FHIT: variants seen among roughly 807,000 people sequenced by gnomAD.
FHIT encodes bis(5'-adenosyl)-triphosphatase.
In FHIT, 19 loss-of-function variants were observed where a neutral mutation model predicts 17.9. The ratio of observed to expected loss-of-function variants is 1.06; its 90% CI spans 0.74 to 1.56. FHIT has a LOEUF of 1.56. Among genes scored for constraint, FHIT ranks in the 40% most tolerant of loss-of-function variants. The pLI is 0.00. For missense variants in FHIT, 248 were observed against 189.2 expected, an observed-to-expected ratio of 1.31 and a Z score of -1.82; for synonymous variants, 81 against 69.7, an observed-to-expected ratio of 1.16 and a Z score of -0.81.
chr3:61,135,778 ATG>A (rs1383877101), intron 2 of FHIT, among the ~76,000 whole-genome samples: 2 of 152,192 alleles, frequency 1.3e-5, no homozygotes, highest in African/African-American at 4.8e-5. Context: ...CAATTGATCA[ATG>A]TGTTTTCATC....
At chr3:60,959,013 A>G (rs1709294110) in intron 3 of FHIT, among the ~76,000 whole-genome samples, 1 of 152,236 alleles carries the variant, frequency 6.6e-6, no homozygotes, top group South Asian at 2.1e-4. Context: ...GAATTTGCCA[A>G]ATGAAAAGGA....
chr3:60,996,296 G>C (rs1426343396), intron 3 of FHIT, among the ~76,000 whole-genome samples: 1 of 152,172 alleles, frequency 6.6e-6, no homozygotes, highest in Non-Finnish European at 1.5e-5. Flanking sequence ...TGCGGTGCAA[G>C]ACACGGTTCT....
rs187816769 is a variant in FHIT, at chr3:60,376,718, A to T, written c.103+160142T>A. ...CTTTAGATTTTGGTAGCTAATTTTT[A>T]AAAAAATCCTTTAAAACGTATTACC... On this transcript the variant is annotated intron_variant, in intron 5 of 9. Transcript: ENST00000492590. Among the ~76,000 whole-genome samples the T allele has an allele frequency of 3.4e-3, 523 of 152,306 alleles. 1 individual carries two copies. The highest frequency in any genetic ancestry group is 6.1e-3 in the Non-Finnish European group (413 of 68,018).
At chr3:60,320,288 G>C (rs535824294) in intron 5 of FHIT, among the ~76,000 whole-genome samples, 2 of 152,234 alleles carry the variant, frequency 1.3e-5, no homozygotes, top group East Asian at 1.9e-4. Flanking sequence ...GGGGCAGATG[G>C]GGGTGGCGCA....
chr3:60,703,685 T>C (rs1161052667), intron 4 of FHIT, among the ~76,000 whole-genome samples: 1 of 152,198 alleles, frequency 6.6e-6, no homozygotes, highest in Non-Finnish European at 1.5e-5. Context: ...CATTCTATTT[T>C]CTCTATAGTC....
At chr3:60,457,380 G>A (rs933479813) in intron 5 of FHIT, among the ~76,000 whole-genome samples, 1 of 152,170 alleles carries the variant, frequency 6.6e-6, no homozygotes, top group African/African-American at 2.4e-5. Context: ...CTAGCCATGT[G>A]TAGAAAGCTG....
intron 8 of FHIT, among the ~76,000 whole-genome samples, chr3:59,847,045 T>C (rs1701748304): frequency 6.6e-6 from 1 of 152,184 alleles, no homozygotes. Flanking sequence ...ATTTATAATG[T>C]GTTTTGGTGT....
rs1228708749 is a variant in FHIT at position 60,180,380 on chromosome 3, GT to G, written c.104-166229del. Among the ~76,000 whole-genome samples the G allele has an allele frequency of 3.9e-5, 6 of 152,242 alleles. No individual in the cohort carries two copies. The East Asian group carries it at 1.2e-3, about 29-fold the overall frequency. Reference sequence around the variant, plus strand: ...ATTAAAACATAACAGGATGGTTTGGGTTTGTCAGAATTAAGGGCCACCTGCT... The same window carrying G: ...ATTAAAACATAACAGGATGGTTTGGGTTGTCAGAATTAAGGGCCACCTGCT... On this transcript the variant is annotated intron_variant, in intron 5 of 9. Transcript: ENST00000492590.
intron 3 of FHIT, among the ~76,000 whole-genome samples, chr3:60,872,723 A>G (rs190318247): frequency 1.3e-5 from 2 of 152,280 alleles, no homozygotes; most frequent in Admixed American, 6.5e-5. Flanking sequence ...TGATTCAAAG[A>G]GAATACAAAT....
intron 5 of FHIT, among the ~76,000 whole-genome samples, chr3:60,328,524 G>A (rs1709813264): frequency 6.6e-6 from 1 of 152,028 alleles, no homozygotes; most frequent in African/African-American, 2.4e-5. Flanking sequence ...CTAACTAACA[G>A]GAGAACAGCA....
chr3:60,436,483 A>C (rs2030256654), intron 5 of FHIT, among the ~76,000 whole-genome samples: 1 of 152,166 alleles, frequency 6.6e-6, no homozygotes, highest in Non-Finnish European at 1.5e-5. Context: ...AGGACACAGC[A>C]GTGAATAAAA....
At chr3:60,905,103 C>A (rs1706337045) in intron 3 of FHIT, among the ~76,000 whole-genome samples, 2 of 151,992 alleles carry the variant, frequency 1.3e-5, no homozygotes, top group Admixed American at 6.6e-5. Flanking sequence ...AGAATTATAA[C>A]CATATTACTC....
At chr3:60,619,081 A>G (rs1015690160) in intron 4 of FHIT, among the ~76,000 whole-genome samples, 82 of 151,146 alleles carry the variant, frequency 5.4e-4, no homozygotes, top group African/African-American at 2.0e-3. Flanking sequence ...AATTTGTTAC[A>G]GCAGCAAAGA....
intron 3 of FHIT, among the ~76,000 whole-genome samples, chr3:60,918,636 A>T (rs1194171818): frequency 6.6e-6 from 1 of 152,166 alleles, no homozygotes; most frequent in Admixed American, 6.5e-5. Context: ...ACCAGGAGGA[A>T]GAAGGCATTT....
intron 5 of FHIT, among the ~76,000 whole-genome samples, chr3:60,074,786 T>C (rs1018863998): frequency 6.6e-6 from 1 of 152,128 alleles, no homozygotes; most frequent in Non-Finnish European, 1.5e-5. Context: ...GATATTCAAT[T>C]ACCCTTTTTC....
chr3:61,096,323 C>G (rs983514959), intron 2 of FHIT, among the ~76,000 whole-genome samples: 5 of 152,158 alleles, frequency 3.3e-5, no homozygotes, highest in African/African-American at 1.2e-4. Flanking sequence ...ATTTCACCAA[C>G]AAAAGTTATT....
In FHIT at chr3:59,835,112, A is replaced by C. The variant is rs535540010; in HGVS notation, c.349-82791T>G. On this transcript the variant is annotated intron_variant, in intron 8 of 9. Coordinates refer to ENST00000492590, the MANE Select transcript of FHIT (RefSeq NM_002012.4). ...CAAAGACAATCTTTCCCTAAGAGTTATAATCTCCTCTCAACACATCGATTA... is the reference window on the plus strand; with the variant it reads ...CAAAGACAATCTTTCCCTAAGAGTTCTAATCTCCTCTCAACACATCGATTA... 9.8e-5 allele frequency among the ~76,000 whole-genome samples: 15 copies of C among 152,288 alleles called. 1 individual carries two copies. The South Asian group carries it at 3.1e-3, about 32-fold the overall frequency.
chr3:61,210,913 A>G (rs2039445213), intron 1 of FHIT, among the ~76,000 whole-genome samples: 1 of 151,916 alleles, frequency 6.6e-6, no homozygotes, highest in Non-Finnish European at 1.5e-5. Context: ...TGGGAGCTGT[A>G]GACTGGAACT....
intron 5 of FHIT, among the ~76,000 whole-genome samples, chr3:60,503,312 A>G (rs1303899408): frequency 6.6e-6 from 1 of 152,194 alleles, no homozygotes; most frequent in Non-Finnish European, 1.5e-5. Context: ...ATGTTTTTCC[A>G]CTTTGCTTTT....
Sources: allele counts gnomAD v4.1 joint callset (sites outside exome capture counted in the v4.1 genomes callset), GRCh38; gene constraint gnomAD v4.1.1; transcripts MANE v1.5; gene names NCBI Gene and HGNC (gene_info 2026-07-23, HGNC 2026-07-21).